The following LRIG1 variants were observed in gnomAD, a reference collection of about 807,000 sequenced individuals.
LRIG1 encodes leucine-rich repeats and immunoglobulin-like domains protein 1.
Under a neutral mutation model 99.2 loss-of-function variants are expected in LRIG1, and 48 were observed. That is an observed-to-expected ratio of 0.48 (90% CI 0.38 to 0.62). The LOEUF (loss-of-function observed/expected upper bound fraction) is 0.62. LRIG1 is among the 20% of genes least tolerant of loss of function. The probability of loss-of-function intolerance (pLI) is 0.00; values close to 1 mark genes in which losing one functional copy is unlikely to be tolerated. For synonymous variants in LRIG1, 772 were observed against 596.1 expected, an observed-to-expected ratio of 1.29 and a Z score of -4.30; for missense variants, 1,646 against 1,434.4, an observed-to-expected ratio of 1.15 and a Z score of -2.38.
chr3:66,404,733 C>G (rs1006114475), intron 9 of LRIG1, among the ~76,000 whole-genome samples: 10 of 152,140 alleles, frequency 6.6e-5, no homozygotes, highest in African/African-American at 2.4e-4. Flanking sequence ...ACCATACATT[C>G]AAAATAGCTG....
At chr3:66,490,638 C>T (rs1284858147) in intron 1 of LRIG1, among the ~76,000 whole-genome samples, 1 of 33,550 alleles carries the variant, frequency 3.0e-5, no homozygotes, top group African/African-American at 6.2e-5. Flanking sequence ...TTTTCTGCCC[C>T]ATAATTTAAA....
At chr3:66,417,597 C>G (rs1471180171) in intron 3 of LRIG1, 1 of 269,732 alleles carries the variant, frequency 3.7e-6, no homozygotes, top group Non-Finnish European at 7.3e-6. Context: ...AAGGATGTGC[C>G]CTGTCCTGTG....
chr3:66,407,359 G>A lies in LRIG1; in HGVS notation c.1068C>T (p.Ser356=), dbSNP rs568947715. ...AGTGGGAGACGTACAAGACTCGCAG[G>A]CTCCTGAGTCCCTTGAAGGCACCCT... ...IAEGAFKGLR[S]LRVLDLDHNE... is the part of the protein sequence containing the mutation. Residue 356 remains serine, a synonymous_variant, in exon 8 of 19, where the codon AGC becomes AGT. Coordinates refer to ENST00000273261, the MANE Select transcript of LRIG1 (RefSeq NM_015541.3). 4 of 1,614,074 alleles carry A rather than the reference G, an allele frequency of 2.5e-6. No individual in the cohort carries two copies. The highest frequency in any genetic ancestry group is 4.5e-5 in the East Asian group (2 of 44,860).
intron 1 of LRIG1, among the ~76,000 whole-genome samples, chr3:66,473,146 T>C (rs929679796): frequency 6.6e-6 from 1 of 152,196 alleles, no homozygotes; most frequent in Non-Finnish European, 1.5e-5. Flanking sequence ...TATGTCCTAT[T>C]TGAAGAAGAA....
At chr3:66,445,763 A>C (rs1485281964) in intron 3 of LRIG1, among the ~76,000 whole-genome samples, 1 of 152,176 alleles carries the variant, frequency 6.6e-6, no homozygotes, top group Non-Finnish European at 1.5e-5. Context: ...CAGTGAAGAG[A>C]AGGACAAGAC....
intron 1 of LRIG1, among the ~76,000 whole-genome samples, chr3:66,489,323 A>C (rs966907932): frequency 2.6e-5 from 4 of 152,180 alleles, no homozygotes; most frequent in African/African-American, 9.7e-5. Context: ...CAGGAGATCA[A>C]GACCAGTCTG....
chr3:66,410,713 G>A lies in LRIG1; in HGVS notation c.792-441C>T, dbSNP rs1258092352. The stretch of plus-strand genomic sequence containing the variant: ...AAAAGTGACCCAGGCCAACAAACGG[G>A]CACAGGAGTTCCAGGCAAGGGCAAA... On this transcript the variant is annotated intron_variant, in intron 6 of 18. Transcript: ENST00000273261. Among the ~76,000 whole-genome samples, 3 of 152,326 alleles carry A rather than the reference G, an allele frequency of 2.0e-5. No individual in the cohort carries two copies. In the East Asian group the frequency reaches 5.8e-4, roughly 29 times the overall value.
At chr3:66,397,237 G>A (rs78866935) in intron 11 of LRIG1, among the ~76,000 whole-genome samples, 7,115 of 152,226 alleles carry the variant, frequency 0.047, 231 homozygotes, top group South Asian at 0.08. Context: ...TATGGGGAAT[G>A]CACCTCATTT....
At chr3:66,420,026 A>G (rs1199756001) in intron 3 of LRIG1, among the ~76,000 whole-genome samples, 1 of 152,242 alleles carries the variant, frequency 6.6e-6, no homozygotes, top group African/African-American at 2.4e-5. Context: ...ATCCCACGGA[A>G]TAAGAGAAAA....
intron 1 of LRIG1, among the ~76,000 whole-genome samples, chr3:66,494,922 T>G (rs1283808507): frequency 1.1e-4 from 17 of 152,236 alleles, no homozygotes; most frequent in Non-Finnish European, 2.5e-4. Flanking sequence ...TCGGGACTGC[T>G]CTTCTAAACT....
intron 1 of LRIG1, among the ~76,000 whole-genome samples, chr3:66,464,567 C>A (rs17044646): frequency 6.6e-6 from 1 of 151,352 alleles, no homozygotes; most frequent in Non-Finnish European, 1.5e-5. Context: ...GCTTGAGGAT[C>A]GCCAGTTTTT....
At chr3:66,452,141 T>G (rs1703925808) in intron 2 of LRIG1, among the ~76,000 whole-genome samples, 1 of 151,826 alleles carries the variant, frequency 6.6e-6, no homozygotes, top group Admixed American at 6.6e-5. Flanking sequence ...GGAACTGGAC[T>G]CAGAGACTCT....
chr3:66,378,849 C>T lies in LRIG1; in HGVS notation c.*1414G>A, dbSNP rs893209387. The T allele has an allele frequency of 6.6e-6, 1 of 152,534 alleles. No individual in the cohort carries two copies. The highest frequency in any genetic ancestry group is 1.5e-5 in the Non-Finnish European group (1 of 68,010). The allele number at this position is 152,534 out of a possible 1,614,324, so 9.4% of individuals were successfully genotyped here. ...AGACACTTCAATGCCATTTGTTAGA[C>T]ACTTCAATATTTTACATGGTTTTCA... On this transcript the variant is annotated 3_prime_UTR_variant, in exon 19 of 19. Coordinates refer to ENST00000273261, the MANE Select transcript of LRIG1 (RefSeq NM_015541.3).
intron 1 of LRIG1, 65 bp downstream of exon 1, chr3:66,500,125 C>A: frequency 7.5e-7 from 1 of 1,337,434 alleles, no homozygotes; most frequent in South Asian, 1.3e-5. Flanking sequence ...GTACGAACCC[C>A]CGCCGCTCCA....
At chr3:66,446,109 G>A (rs1021034284) in intron 3 of LRIG1, among the ~76,000 whole-genome samples, 2 of 152,056 alleles carry the variant, frequency 1.3e-5, no homozygotes, top group South Asian at 2.1e-4. Flanking sequence ...GATTGATTTC[G>A]CCCCTCTTTT....
In LRIG1 at chr3:66,382,366, A is replaced by T. The variant is rs748325807; in HGVS notation, c.2524T>A (p.Tyr842Asn). ...GAAAGGGTCCCCTGAGAAGAGAGGTAGCTTGGAACATCTGGTGGCACGACG... is the reference window on the plus strand; with the variant it reads ...GAAAGGGTCCCCTGAGAAGAGAGGTTGCTTGGAACATCTGGTGGCACGACG... ...ETVVPPDVPS[Y>N]LSSQGTLSDR... Residue 842 changes from tyrosine (Y) to asparagine (N), a missense_variant, in exon 16 of 19, where the codon TAC (tyrosine) becomes AAC (asparagine). Transcript: ENST00000273261. The T allele has an allele frequency of 7.4e-6, 12 of 1,614,212 alleles. No homozygotes were observed. The South Asian group carries it at 7.7e-5, about 10-fold the overall frequency.
At chr3:66,457,456 G>C (rs949463985) in intron 2 of LRIG1, among the ~76,000 whole-genome samples, 4 of 152,110 alleles carry the variant, frequency 2.6e-5, no homozygotes, top group Non-Finnish European at 4.4e-5. Flanking sequence ...AGGCACAATG[G>C]TAAGACATTC....
chr3:66,383,063 T>C lies in LRIG1; in HGVS notation c.2410A>G (p.Ile804Val). 2 of 1,614,242 alleles carry C rather than the reference T, an allele frequency of 1.2e-6. No homozygotes were observed. Among genetic ancestry groups the C allele is most frequent in the South Asian group, 1.1e-5 (1 of 91,086 alleles). Reference protein sequence around the residue: ...GIFTIAVVSSIVLTSLVWVCI... With the variant: ...GIFTIAVVSSVVLTSLVWVCI... The stretch of plus-strand genomic sequence containing the variant: ...ACCCAGACCAGTGACGTCAGGACGA[T>C]GCTGCTCACGACAGCAATGGTGAAG... Residue 804 changes from isoleucine to valine, a missense_variant, in exon 15 of 19, where the codon ATC becomes GTC. Transcript: ENST00000273261.
intron 1 of LRIG1, among the ~76,000 whole-genome samples, chr3:66,480,279 T>C (rs1700818344): frequency 6.6e-6 from 1 of 152,054 alleles, no homozygotes; most frequent in African/African-American, 2.4e-5. Flanking sequence ...AGACAGAAAG[T>C]AGATGTTGCC....
Sources: allele counts gnomAD v4.1 joint callset (sites outside exome capture counted in the v4.1 genomes callset), GRCh38; gene constraint gnomAD v4.1.1; transcripts MANE v1.5; gene names NCBI Gene and HGNC (gene_info 2026-07-23, HGNC 2026-07-21).